The following GNAL variants were observed in gnomAD, a reference collection of about 807,000 sequenced individuals.
GNAL encodes G protein subunit alpha L, also known as guanine nucleotide-binding protein G(olf) subunit alpha.
In GNAL, 18 loss-of-function variants were observed where a neutral mutation model predicts 55.1. That is an observed-to-expected ratio of 0.33 (90% CI 0.23 to 0.48). The LOEUF is 0.48. GNAL is among the 20% of genes least tolerant of loss of function. The probability of loss-of-function intolerance (pLI) is 0.99; values close to 1 mark genes in which losing one functional copy is unlikely to be tolerated. For synonymous variants in GNAL, 253 were observed against 237.0 expected (o/e 1.07, Z -0.62); for missense variants, 412 against 614.1 (o/e 0.67, Z 3.48).
intron 1 of GNAL, among the ~76,000 whole-genome samples, chr18:11,742,443 C>T (rs1013179175): frequency 2.6e-5 from 4 of 152,202 alleles, no homozygotes; most frequent in African/African-American, 9.6e-5. Context: ...GTACTGTTAC[C>T]CTCACCCATG....
chr18:11,771,998 G>T (rs2033650482), intron 4 of GNAL, among the ~76,000 whole-genome samples: 1 of 152,066 alleles, frequency 6.6e-6, no homozygotes. Context: ...TGGGATTACT[G>T]GTGCCCCGCC....
chr18:11,693,046 T>C (rs1246385464), intron 1 of GNAL, among the ~76,000 whole-genome samples: 1 of 140,644 alleles, frequency 7.1e-6, no homozygotes, highest in Admixed American at 6.9e-5. Flanking sequence ...GGGGGGAGAG[T>C]TGTCATCTCA....
At chr18:11,750,142 C>T (rs1342443417) in intron 1 of GNAL, among the ~76,000 whole-genome samples, 3 of 152,142 alleles carry the variant, frequency 2.0e-5, no homozygotes, top group African/African-American at 7.2e-5. Flanking sequence ...ACGGACCCAA[C>T]GGGATGCGGT....
chr18:11,689,998 G>GA (rs2031188048), intron 1 of GNAL, 59 bp downstream of exon 1: 1 of 1,045,594 alleles, frequency 9.6e-7, no homozygotes, highest in Non-Finnish European at 1.2e-6. Context: ...GGCCCGCGGG[G>GA]GCGGCGGGCA....
At chr18:11,833,241 A>G (rs2143695804) in intron 5 of GNAL, among the ~76,000 whole-genome samples, 1 of 152,208 alleles carries the variant, frequency 6.6e-6, no homozygotes, top group East Asian at 1.9e-4. Context: ...AATATTGGCC[A>G]GGCTGGTCTC....
chr18:11,802,155 GATAAA>G (rs2034537976), intron 4 of GNAL, among the ~76,000 whole-genome samples: 1 of 152,164 alleles, frequency 6.6e-6, no homozygotes, highest in Admixed American at 6.5e-5. Flanking sequence ...AGCAAAAAGC[GATAAA>G]ATAAAGAGTA....
chr18:11,701,930 A>G (rs2031582351), intron 1 of GNAL: 3 of 151,650 alleles, frequency 2.0e-5, no homozygotes, highest in Admixed American at 6.5e-5. Context: ...GTAAATCGGC[A>G]TAAAGAAAAA....
rs747139554 is a variant in GNAL, at chr18:11,689,787, G to A, written c.224G>A (p.Arg75Gln). 6.5e-7 allele frequency: 1 copy of A among 1,532,834 alleles called. No homozygotes were observed. The highest frequency in any genetic ancestry group is 8.7e-7 in the Non-Finnish European group (1 of 1,142,978). 95.0% of individuals were successfully genotyped at this position (1,532,834 alleles called of 1,614,324 possible). ...AAAGCAGACAAGCCGAAGGAGAAGC[G>A]GCAGCGCACCGAGCAGCTGAGTGCC... Reference protein sequence around the residue: ...RPKADKPKEKRQRTEQLSAEE... With the variant: ...RPKADKPKEKQQRTEQLSAEE... Residue 75 changes from arginine to glutamine, a missense_variant, in exon 1 of 12, where the codon CGG (arginine) becomes CAG (glutamine). Transcript: ENST00000334049.
At chr18:11,815,320 T>A (rs1279149052) in intron 4 of GNAL, among the ~76,000 whole-genome samples, 1 of 150,578 alleles carries the variant, frequency 6.6e-6, no homozygotes, top group East Asian at 2.0e-4. Context: ...AAGAAATAGC[T>A]GAGACTGTGT....
At chr18:11,768,995 TAATATAG>T (rs1262322375) in intron 4 of GNAL, among the ~76,000 whole-genome samples, 2 of 106,836 alleles carry the variant, frequency 1.9e-5, no homozygotes, top group Non-Finnish European at 1.7e-5. Flanking sequence ...TTCTATATTA[TAATATAG>T]AATATATATA....
chr18:11,851,813 C>G, intron 5 of GNAL: 1 of 1,613,810 alleles, frequency 6.2e-7, no homozygotes, highest in Non-Finnish European at 8.5e-7. Context: ...TCGATGGATG[C>G]GACATTGAAG....
Position 11,876,702 on chromosome 18 carries a change from T to C in GNAL, c.1230+14T>C. 1 of 1,507,096 alleles carries C rather than the reference T, an allele frequency of 6.6e-7. No homozygotes were observed. The highest frequency in any genetic ancestry group is 9.2e-7 in the Non-Finnish European group (1 of 1,082,200). 93.4% of individuals were successfully genotyped at this position (1,507,096 alleles called of 1,614,324 possible). ...GACCTGTTTTTGGTAAGCAATTTTGTTAACCTTTGTTTTTCTACCTCCCTT... is the reference window on the plus strand; with the variant it reads ...GACCTGTTTTTGGTAAGCAATTTTGCTAACCTTTGTTTTTCTACCTCCCTT... On this transcript the variant is annotated intron_variant, in intron 11 of 11. Coordinates refer to ENST00000334049, the MANE Select transcript of GNAL (RefSeq NM_182978.4).
chr18:11,695,127 G>T (rs1240430427), intron 1 of GNAL, among the ~76,000 whole-genome samples: 4 of 152,182 alleles, frequency 2.6e-5, no homozygotes, highest in African/African-American at 9.7e-5. Context: ...CTAAGGCGGG[G>T]AGTGCGTGCC....
chr18:11,718,898 A>G (rs1287022005), intron 1 of GNAL, among the ~76,000 whole-genome samples: 1 of 152,192 alleles, frequency 6.6e-6, no homozygotes, highest in African/African-American at 2.4e-5. Context: ...GTCATGATGA[A>G]TATTTTGTCA....
chr18:11,824,137 G>A (rs980467906), intron 4 of GNAL, among the ~76,000 whole-genome samples: 1 of 151,392 alleles, frequency 6.6e-6, no homozygotes, highest in Non-Finnish European at 1.5e-5. Flanking sequence ...AATATGTCTG[G>A]GCCAAATTTA....
intron 4 of GNAL, among the ~76,000 whole-genome samples, chr18:11,791,347 G>A (rs902667073): frequency 1.4e-4 from 21 of 152,192 alleles, no homozygotes; most frequent in African/African-American, 5.1e-4. Flanking sequence ...TTTTTCCATA[G>A]CCATAGCAGA....
intron 4 of GNAL, among the ~76,000 whole-genome samples, chr18:11,800,482 G>C (rs567177360): frequency 1.3e-5 from 2 of 152,200 alleles, no homozygotes; most frequent in East Asian, 3.8e-4. Flanking sequence ...GGGGTGGCCT[G>C]TAAGTGCCAA....
At chr18:11,729,703 A>G (rs939203119) in intron 1 of GNAL, among the ~76,000 whole-genome samples, 3 of 152,232 alleles carry the variant, frequency 2.0e-5, no homozygotes, top group African/African-American at 4.8e-5. Context: ...CTGGCATAAA[A>G]TGCTGTAAAC....
rs570026814 is a variant in GNAL, at chr18:11,703,194, C to A, written c.376+13255C>A. ...TCTTAAAATCGACAAGTTTGAGAAA[C>A]CCCTCGTTTTGAGAGGCTCATTGGA... On this transcript the variant is annotated intron_variant, in intron 1 of 11. Transcript: ENST00000334049. Among the ~76,000 whole-genome samples, 5 of 152,356 alleles carry A rather than the reference C, an allele frequency of 3.3e-5. No individual in the cohort carries two copies. In the South Asian group the frequency reaches 1.0e-3, roughly 32 times the overall value.
Sources: allele counts gnomAD v4.1 joint callset (sites outside exome capture counted in the v4.1 genomes callset), GRCh38; gene constraint gnomAD v4.1.1; transcripts MANE v1.5; gene names NCBI Gene and HGNC (gene_info 2026-07-23, HGNC 2026-07-21).